PARP4: variants seen among roughly 807,000 people sequenced by gnomAD.
PARP4 encodes protein mono-ADP-ribosyltransferase PARP4.
A neutral mutation model predicts 187.7 loss-of-function variants in PARP4; 120 were observed. The ratio of observed to expected loss-of-function variants is 0.64; its 90% CI spans 0.55 to 0.74. PARP4 has a LOEUF of 0.74. PARP4 is among the 30% of genes least tolerant of loss of function. PARP4 has a pLI of 0.00. For missense variants in PARP4, 1,836 were observed against 2,070.5 expected, an observed-to-expected ratio of 0.89 and a Z score of 2.20; for synonymous variants, 654 against 740.9, an observed-to-expected ratio of 0.88 and a Z score of 1.90.
intron 21 of PARP4, 126 bp downstream of exon 21, chr13:24,456,215 T>G: frequency 2.9e-6 from 2 of 693,618 alleles, no homozygotes; most frequent in Non-Finnish European, 4.6e-6. Context: ...TGCAGAATCT[T>G]GAGATGTGAG....
intron 31 of PARP4, among the ~76,000 whole-genome samples, chr13:24,433,261 T>C (rs1870441649): frequency 6.6e-6 from 1 of 152,146 alleles, no homozygotes; most frequent in African/African-American, 2.4e-5. Flanking sequence ...ACCTCCACAT[T>C]CTCACCATCT....
At chr13:24,460,820 C>T (rs1322401583) in intron 17 of PARP4, among the ~76,000 whole-genome samples, 1 of 152,098 alleles carries the variant, frequency 6.6e-6, no homozygotes, top group Non-Finnish European at 1.5e-5. Context: ...GGACTACAGG[C>T]ACGCACCACC....
chr13:24,445,741 A>G (rs1871177083), intron 27 of PARP4, among the ~76,000 whole-genome samples: 1 of 152,226 alleles, frequency 6.6e-6, no homozygotes, highest in African/African-American at 2.4e-5. Flanking sequence ...TACTGTAAGA[A>G]ATTTGAGAAA....
intron 30 of PARP4, among the ~76,000 whole-genome samples, chr13:24,438,815 G>T (rs887452703): frequency 3.9e-5 from 6 of 152,162 alleles, no homozygotes; most frequent in Non-Finnish European, 7.3e-5. Flanking sequence ...AGTCGGGAAG[G>T]ACCAAACAGA....
Position 24,496,256 on chromosome 13 carries a change from T to A in PARP4, c.592-1534A>T, listed in dbSNP as rs541502578. Among the ~76,000 whole-genome samples the A allele has an allele frequency of 3.9e-5, 6 of 152,246 alleles. No homozygotes were observed. In the East Asian group the frequency reaches 1.2e-3, roughly 29 times the overall value. On this transcript the variant is annotated intron_variant, in intron 6 of 33. Coordinates refer to ENST00000381989, the MANE Select transcript of PARP4 (RefSeq NM_006437.4). ...CCAAACAACTATATCCTCCACAAAA[T>A]CCAGTATGCATTTCAGGGTACAAGG...
At chr13:24,458,979 ATTGCT>A in intron 20 of PARP4, 60 bp downstream of exon 20, 1 of 1,142,922 alleles carries the variant, frequency 8.7e-7, no homozygotes, top group Non-Finnish European at 1.3e-6. Context: ...ACGTGCATAC[ATTGCT>A]TTGATAAGAT....
chr13:24,456,219 A>G (rs1446572971), intron 21 of PARP4, 122 bp downstream of exon 21: 2 of 711,274 alleles, frequency 2.8e-6, no homozygotes, highest in Non-Finnish European at 4.5e-6. Flanking sequence ...GAATCTTGAG[A>G]TGTGAGAGTT....
chr13:24,468,426 TG>T (rs1872583550), intron 17 of PARP4, among the ~76,000 whole-genome samples: 1 of 141,776 alleles, frequency 7.1e-6, no homozygotes. Flanking sequence ...TTTTTTGAGA[TG>T]GAGTTTCGCT....
At position 24,456,465 on chromosome 13, in the gene PARP4, T is replaced by G; in HGVS notation, c.2438A>C (p.Lys813Thr). The change falls in exon 21 of 34, where the codon AAA becomes ACA. Residue 813 changes from lysine to threonine, a missense_variant. By Grantham distance (78) the Lys-to-Thr change is moderately conservative. This residue lies in a region of PARP4 where 1,147 missense variants were observed against 1,214.2 expected (regional missense o/e 0.94). Coordinates refer to ENST00000381989, the MANE Select transcript of PARP4 (RefSeq NM_006437.4). ...HELKQKRTDCKAVISTMEGSS... is the reference protein window; with the variant it reads ...HELKQKRTDCTAVISTMEGSS... ...GCCTTCCATGGTGCTAATGACAGCT[T>G]TGCAGTCTGTGCGCTGCAAAACAAA... 6.2e-7 allele frequency: 1 copy of G among 1,600,654 alleles called. No homozygotes were observed. The highest frequency in any genetic ancestry group is 8.6e-7 in the Non-Finnish European group (1 of 1,169,302).
chr13:24,493,265 T>TG (rs1182022693), intron 8 of PARP4, among the ~76,000 whole-genome samples: 1 of 152,216 alleles, frequency 6.6e-6, no homozygotes, highest in Non-Finnish European at 1.5e-5. Flanking sequence ...TTAAGGCATC[T>TG]GACTGGGGAC....
chr13:24,488,073 G>A (rs373028899), intron 10 of PARP4, among the ~76,000 whole-genome samples: 225 of 152,226 alleles, frequency 1.5e-3, no homozygotes, highest in African/African-American at 4.2e-3. Context: ...TCTTTCCCTA[G>A]GAAGAAGCCC....
At chr13:24,450,914 C>T (rs1001789234) in intron 24 of PARP4, among the ~76,000 whole-genome samples, 6 of 152,102 alleles carry the variant, frequency 3.9e-5, no homozygotes, top group Admixed American at 1.3e-4. Context: ...CTTGCTCAGT[C>T]ACTCAAGCTG....
chr13:24,476,416 G>T (rs1438460346), intron 14 of PARP4, among the ~76,000 whole-genome samples: 1 of 152,110 alleles, frequency 6.6e-6, no homozygotes, highest in Non-Finnish European at 1.5e-5. Context: ...GCATTCCCTG[G>T]CTTATAGTGT....
Position 24,437,436 on chromosome 13 carries a change from G to A in PARP4, c.3667-1962C>T, listed in dbSNP as rs562490059. ...ATAATAAGCAACATCAAAATAACATGTGGAATACCGGGAAACAAATTTTCA... is the reference window on the plus strand; with the variant it reads ...ATAATAAGCAACATCAAAATAACATATGGAATACCGGGAAACAAATTTTCA... On this transcript the variant is annotated intron_variant, in intron 30 of 33. Coordinates refer to ENST00000381989, the MANE Select transcript of PARP4 (RefSeq NM_006437.4). Among the ~76,000 whole-genome samples the A allele has an allele frequency of 5.3e-5, 8 of 152,102 alleles. No homozygotes were observed. The East Asian group carries it at 1.4e-3, about 26-fold the overall frequency.
chr13:24,439,447 G>C (rs1174194152), intron 30 of PARP4, among the ~76,000 whole-genome samples: 3 of 152,144 alleles, frequency 2.0e-5, no homozygotes, highest in African/African-American at 7.2e-5. Context: ...TGTCTTATCT[G>C]ATCTATGGCC....
chr13:24,474,297 TC>T (rs1872870725), intron 15 of PARP4, among the ~76,000 whole-genome samples: 1 of 149,818 alleles, frequency 6.7e-6, no homozygotes, highest in Admixed American at 6.7e-5. Context: ...CATCACCAGG[TC>T]CCTTAACTGA....
intron 12 of PARP4, among the ~76,000 whole-genome samples, chr13:24,482,527 A>C (rs1873330483): frequency 6.6e-6 from 1 of 152,198 alleles, no homozygotes. Flanking sequence ...CCACCACCCT[A>C]ATCAGTCAGC....
intron 11 of PARP4, among the ~76,000 whole-genome samples, chr13:24,485,259 T>A (rs1051607010): frequency 6.6e-6 from 1 of 152,238 alleles, no homozygotes; most frequent in Non-Finnish European, 1.5e-5. Context: ...GTTTTTGGGT[T>A]CATTTGTGTT....
At chr13:24,426,360 C>T (rs1870048480) in intron 33 of PARP4, 106 bp downstream of exon 33, 3 of 818,794 alleles carry the variant, frequency 3.7e-6, no homozygotes, top group Non-Finnish European at 5.5e-6. Flanking sequence ...TTGCTACATA[C>T]TTATAGTGTA....
Sources: allele counts gnomAD v4.1 joint callset (sites outside exome capture counted in the v4.1 genomes callset), GRCh38; gene constraint gnomAD v4.1.1; regional missense constraint gnomAD v4.1.1; transcripts MANE v1.5; gene names NCBI Gene and HGNC (gene_info 2026-07-23, HGNC 2026-07-21).